LRRC38: variants seen among roughly 807,000 people sequenced by gnomAD.
The protein encoded by LRRC38 is leucine rich repeat containing 38.
LRRC38 carries 5 observed loss-of-function variants against 16.4 expected under a neutral mutation model. The ratio of observed to expected loss-of-function variants is 0.31; its 90% CI spans 0.16 to 0.64. LRRC38 has a LOEUF of 0.64. Ranked by LOEUF, LRRC38 falls within the 30% of genes least tolerant of loss-of-function variation. The pLI, the probability that LRRC38 is intolerant of heterozygous loss-of-function variation, is 0.80. For missense variants in LRRC38, 341 were observed against 401.8 expected (o/e 0.85, Z 1.29); for synonymous variants, 191 against 190.2 (o/e 1.00, Z -0.04).
intron 1 of LRRC38, among the ~76,000 whole-genome samples, chr1:13,486,357 T>G (rs2100496720): frequency 6.6e-6 from 1 of 152,290 alleles, no homozygotes; most frequent in East Asian, 1.9e-4. Flanking sequence ...GATCCTTCAT[T>G]TAATTACATT....
At chr1:13,512,937 C>CCCT in intron 1 of LRRC38, 26 bp downstream of exon 1, 1 of 1,439,760 alleles carries the variant, frequency 6.9e-7, no homozygotes. Flanking sequence ...CTCCCTCCCT[C>CCCT]CCCCAGCCTA....
chr1:13,496,739 T>C lies in LRRC38; in HGVS notation c.631+16224A>G, dbSNP rs2100510341. Among the ~76,000 whole-genome samples, 2 of 152,216 alleles carry C rather than the reference T, an allele frequency of 1.3e-5. 1 individual carries two copies. The highest frequency in any genetic ancestry group is 4.1e-4 in the South Asian group (2 of 4,824). ...AACAGAACAGACGAGGCCCTGCTCTTGTGGCTACAACTGAGTGAAACAGAC... is the reference window on the plus strand; with the variant it reads ...AACAGAACAGACGAGGCCCTGCTCTCGTGGCTACAACTGAGTGAAACAGAC... On this transcript the variant is annotated intron_variant, in intron 1 of 1. Transcript: ENST00000376085.
At chr1:13,492,469 G>C (rs1639025593) in intron 1 of LRRC38, among the ~76,000 whole-genome samples, 1 of 152,170 alleles carries the variant, frequency 6.6e-6, no homozygotes, top group Non-Finnish European at 1.5e-5. Flanking sequence ...GGGAGGCCGA[G>C]GTGGGTGGAT....
chr1:13,513,539 G>C lies in LRRC38; in HGVS notation c.55C>G (p.Leu19Val). The C allele has an allele frequency of 7.3e-7, 1 of 1,373,106 alleles. No homozygotes were observed. 85.1% of individuals were successfully genotyped at this position (1,373,106 alleles called of 1,614,324 possible). A position where few individuals can be genotyped will look rare whatever the true frequency, so the allele number is the denominator to read the frequency against. ...AAAALGLCSL[L>V]LLLAPGHACP... ...GCGTGCCCGGGCGCGAGCAGCAGCA[G>C]AAGGCTGCAGAGCCCGAGCGCCGCG... Residue 19 changes from leucine to valine, a missense_variant, in exon 1 of 2, where the codon CTG becomes GTG. By Grantham distance (32) the Leu-to-Val change is conservative (BLOSUM62 1). Coordinates refer to ENST00000376085, the MANE Select transcript of LRRC38 (RefSeq NM_001010847.2).
chr1:13,507,366 T>C (rs76079754), intron 1 of LRRC38, among the ~76,000 whole-genome samples: 5,425 of 152,308 alleles, frequency 0.036, 152 homozygotes, highest in East Asian at 0.12. Context: ...AGAGGTCACT[T>C]GCATGAAAAC....
chr1:13,488,577 T>G (rs1638968790), intron 1 of LRRC38, among the ~76,000 whole-genome samples: 1 of 152,148 alleles, frequency 6.6e-6, no homozygotes, highest in Non-Finnish European at 1.5e-5. Context: ...GCTGAACACA[T>G]TCTTAATTAT....
intron 1 of LRRC38, among the ~76,000 whole-genome samples, chr1:13,490,401 C>T (rs12095400): frequency 0.072 from 11,003 of 152,178 alleles, 1,360 homozygotes; most frequent in African/African-American, 0.25. Context: ...TCAAGTGATC[C>T]GCCTGCCTCA....
At chr1:13,506,706 G>A (rs749315610) in intron 1 of LRRC38, among the ~76,000 whole-genome samples, 3 of 152,280 alleles carry the variant, frequency 2.0e-5, no homozygotes, top group African/African-American at 2.4e-5. Context: ...TGATTCGCCC[G>A]CCTTGGCCTC....
chr1:13,510,892 A>G (rs1557506609), intron 1 of LRRC38, among the ~76,000 whole-genome samples: 1 of 152,162 alleles, frequency 6.6e-6, no homozygotes, highest in Non-Finnish European at 1.5e-5. Context: ...TAACTGCTGG[A>G]ACCTCCACCA....
Position 13,487,145 on chromosome 1 carries a change from T to C in LRRC38, c.632-11046A>G, listed in dbSNP as rs942293157. ...CTTCTCTTCAATTCTGTGAACTATC[T>C]GACATCCCTGCAACAAATTCCTTCC... is the stretch of plus-strand genomic sequence containing the variant. On this transcript the variant is annotated intron_variant, in intron 1 of 1. Transcript: ENST00000376085. The surrounding 1 kb of genome is among the most constrained non-coding windows in gnomAD (Gnocchi z 4.4). Among the ~76,000 whole-genome samples the C allele has an allele frequency of 1.1e-4, 16 of 152,218 alleles. No homozygotes were observed. The highest frequency in any genetic ancestry group is 2.6e-4 in the Admixed American group (4 of 15,288).
At chr1:13,499,008 G>A (rs1639115934) in intron 1 of LRRC38, among the ~76,000 whole-genome samples, 1 of 152,142 alleles carries the variant, frequency 6.6e-6, no homozygotes, top group Non-Finnish European at 1.5e-5. Flanking sequence ...TTCTCCCGGT[G>A]TGCGTGTCTG....
At chr1:13,494,217 G>A (rs760342935) in intron 1 of LRRC38, among the ~76,000 whole-genome samples, 4 of 152,124 alleles carry the variant, frequency 2.6e-5, no homozygotes, top group Non-Finnish European at 4.4e-5. Flanking sequence ...TGACAGAGCC[G>A]AGCCCGGGAG....
chr1:13,506,143 A>G (rs1639210766), intron 1 of LRRC38, among the ~76,000 whole-genome samples: 1 of 152,122 alleles, frequency 6.6e-6, no homozygotes, highest in African/African-American at 2.4e-5. Context: ...ATCGCACAGG[A>G]TGGGCTCCCA....
intron 1 of LRRC38, among the ~76,000 whole-genome samples, chr1:13,491,016 G>C (rs1222132090): frequency 6.6e-6 from 1 of 152,210 alleles, no homozygotes; most frequent in Admixed American, 6.5e-5. Flanking sequence ...TATTTATCAG[G>C]AACTACGATG....
chr1:13,486,478 C>A (rs537092402), intron 1 of LRRC38, among the ~76,000 whole-genome samples: 5 of 152,244 alleles, frequency 3.3e-5, no homozygotes, highest in African/African-American at 1.2e-4. Flanking sequence ...TCACATATTT[C>A]ATACCCACCT....
chr1:13,491,981 T>C (rs1639018653), intron 1 of LRRC38, among the ~76,000 whole-genome samples: 1 of 152,152 alleles, frequency 6.6e-6, no homozygotes, highest in South Asian at 2.1e-4. Flanking sequence ...CGGCCAAATC[T>C]TAGCCATTTT....
chr1:13,497,964 A>T (rs1639100437), intron 1 of LRRC38, among the ~76,000 whole-genome samples: 2 of 136,446 alleles, frequency 1.5e-5, no homozygotes, highest in African/African-American at 5.1e-5. Flanking sequence ...CTCCATCACA[A>T]AAAAAAAAAA....
Position 13,513,166 on chromosome 1 carries a change from A to C in LRRC38, c.428T>G (p.Val143Gly). 6.5e-7 allele frequency: 1 copy of C among 1,550,382 alleles called. No individual in the cohort carries two copies. The highest frequency in any genetic ancestry group is 8.7e-7 in the Non-Finnish European group (1 of 1,146,908). Reference sequence around the variant, plus strand: ...CAGGGTCTCGAAGGCGTCCTCGTGCACGCCCACCAGGTTGTTGTTAGCCAG... The same window carrying C: ...CAGGGTCTCGAAGGCGTCCTCGTGCCCGCCCACCAGGTTGTTGTTAGCCAG... ...LSLANNNLVG[V>G]HEDAFETLES... The change falls in exon 1 of 2, where the codon GTG becomes GGG. Residue 143 changes from valine (V) to glycine (G), a missense_variant. Coordinates refer to ENST00000376085, the MANE Select transcript of LRRC38 (RefSeq NM_001010847.2).
At chr1:13,492,403 TA>T (rs1011838501) in intron 1 of LRRC38, among the ~76,000 whole-genome samples, 4 of 152,090 alleles carry the variant, frequency 2.6e-5, no homozygotes, top group Non-Finnish European at 4.4e-5. Context: ...TTTTCATTCT[TA>T]AAAAAAGGAT....
Sources: allele counts gnomAD v4.1 joint callset (sites outside exome capture counted in the v4.1 genomes callset), GRCh38; gene constraint gnomAD v4.1.1; non-coding constraint Gnocchi (gnomAD v3.1); transcripts MANE v1.5; gene names NCBI Gene and HGNC (gene_info 2026-07-23, HGNC 2026-07-21).